Variants in LRRTM4 observed in about 807,000 individuals in gnomAD.
LRRTM4 encodes leucine rich repeat transmembrane neuronal 4.
Under a neutral mutation model 47.6 loss-of-function variants are expected in LRRTM4, and 25 were observed. The ratio of observed to expected loss-of-function variants is 0.53; its 90% confidence interval spans 0.38 to 0.73. The LOEUF (loss-of-function observed/expected upper bound fraction) is 0.73, where lower values mean the gene tolerates loss of function less well. Among genes scored for constraint, LRRTM4 ranks in the 30% least tolerant of loss-of-function variants. The probability of loss-of-function intolerance (pLI) is 0.00; values close to 1 mark genes in which losing one functional copy is unlikely to be tolerated. For missense variants in LRRTM4, 638 were observed against 713.4 expected, an observed-to-expected ratio of 0.89 and a Z score of 1.20; for synonymous variants, 311 against 269.5, an observed-to-expected ratio of 1.15 and a Z score of -1.51.
At chr2:77,469,299 C>A (rs762970369) in intron 3 of LRRTM4, among the ~76,000 whole-genome samples, 2 of 152,154 alleles carry the variant, frequency 1.3e-5, no homozygotes, top group Admixed American at 1.3e-4. Flanking sequence ...CACACAGAAG[C>A]GTCTTTATTT....
At chr2:77,330,540 G>A (rs564065015) in intron 3 of LRRTM4, among the ~76,000 whole-genome samples, 26 of 152,050 alleles carry the variant, frequency 1.7e-4, no homozygotes, top group East Asian at 7.7e-4. Flanking sequence ...CTATATTTAC[G>A]AAGAATTTTA....
intron 3 of LRRTM4, among the ~76,000 whole-genome samples, chr2:77,253,451 G>A (rs1451011438): frequency 6.6e-6 from 1 of 152,102 alleles, no homozygotes; most frequent in Non-Finnish European, 1.5e-5. Context: ...CTCTGTTGAA[G>A]CTGTTTCAGA....
At chr2:76,948,987 A>G (rs984506271) in intron 3 of LRRTM4, among the ~76,000 whole-genome samples, 1 of 151,898 alleles carries the variant, frequency 6.6e-6, no homozygotes, top group Non-Finnish European at 1.5e-5. Context: ...TACAAAAGCC[A>G]TATTTGTTTT....
intron 3 of LRRTM4, among the ~76,000 whole-genome samples, chr2:77,451,138 C>T (rs543574797): frequency 3.3e-5 from 5 of 152,052 alleles, no homozygotes; most frequent in Middle Eastern, 3.4e-3. Context: ...GAGTCTTATC[C>T]GAAGACTAGT....
intron 3 of LRRTM4, among the ~76,000 whole-genome samples, chr2:77,307,240 A>G (rs532550281): frequency 5.3e-5 from 8 of 152,040 alleles, no homozygotes; most frequent in African/African-American, 1.9e-4. Flanking sequence ...AAAATTTGAT[A>G]GAGTAAAATA....
intron 3 of LRRTM4, among the ~76,000 whole-genome samples, chr2:76,868,450 T>C (rs1672527298): frequency 6.6e-6 from 1 of 152,160 alleles, no homozygotes; most frequent in Non-Finnish European, 1.5e-5. Context: ...CACCTTTCAA[T>C]CAGAATGTTC....
At chr2:77,377,446 A>G (rs1365279166) in intron 3 of LRRTM4, among the ~76,000 whole-genome samples, 1 of 151,954 alleles carries the variant, frequency 6.6e-6, no homozygotes, top group Admixed American at 6.6e-5. Context: ...TACTTACACT[A>G]TTCTTGACAA....
intron 3 of LRRTM4, among the ~76,000 whole-genome samples, chr2:76,754,514 C>T (rs532297290): frequency 3.3e-5 from 5 of 152,274 alleles, no homozygotes; most frequent in African/African-American, 7.2e-5. Flanking sequence ...TCTCAGGGTC[C>T]TGTCAATCAA....
intron 3 of LRRTM4, among the ~76,000 whole-genome samples, chr2:76,981,659 G>T (rs984525370): frequency 1.3e-5 from 2 of 151,856 alleles, no homozygotes; most frequent in African/African-American, 4.8e-5. Context: ...TGCCTAGCTA[G>T]TTTCTAAATT....
At chr2:77,346,990 G>A (rs1034044475) in intron 3 of LRRTM4, among the ~76,000 whole-genome samples, 1 of 152,128 alleles carries the variant, frequency 6.6e-6, no homozygotes, top group African/African-American at 2.4e-5. Flanking sequence ...TCCCTGCCCT[G>A]GGACAGCATC....
chr2:77,067,343 A>G (rs1207195742), intron 3 of LRRTM4, among the ~76,000 whole-genome samples: 1 of 152,110 alleles, frequency 6.6e-6, no homozygotes, highest in Admixed American at 6.6e-5. Context: ...CTCACTGTGT[A>G]TTGCAAATTA....
At chr2:76,996,201 T>A (rs1043514877) in intron 3 of LRRTM4, among the ~76,000 whole-genome samples, 1 of 152,070 alleles carries the variant, frequency 6.6e-6, no homozygotes, top group East Asian at 1.9e-4. Flanking sequence ...AGAGGGGCCA[T>A]AGAACAGAGA....
chr2:77,244,864 C>A (rs544461889), intron 3 of LRRTM4, among the ~76,000 whole-genome samples: 26 of 152,210 alleles, frequency 1.7e-4, no homozygotes, highest in African/African-American at 6.3e-4. Context: ...GCCCAAAGTT[C>A]ATGAGAAAAC....
intron 3 of LRRTM4, among the ~76,000 whole-genome samples, chr2:77,474,374 T>A (rs2103999018): frequency 6.6e-6 from 1 of 152,180 alleles, no homozygotes; most frequent in South Asian, 2.1e-4. Flanking sequence ...CTTTGTTGAC[T>A]TAGACATTTA....
At chr2:77,183,941 G>T (rs745465727) in intron 3 of LRRTM4, among the ~76,000 whole-genome samples, 28 of 152,244 alleles carry the variant, frequency 1.8e-4, no homozygotes, top group Non-Finnish European at 2.4e-4. Context: ...GTGGGTTGGG[G>T]AGAGGGGGAA....
In LRRTM4 at chr2:77,363,549, G is replaced by T. The variant is rs373751332; in HGVS notation, c.1551+154769C>A. On this transcript the variant is annotated intron_variant, in intron 3 of 3. Transcript: ENST00000409884. The stretch of plus-strand genomic sequence containing the variant: ...ATGTCCTTTAAGGAATCAGGGCCAC[G>T]CATAATTGCATGTATTCTGTGTCCT... 2.6e-4 allele frequency among the ~76,000 whole-genome samples: 39 copies of T among 152,220 alleles called. No homozygotes were observed. In the South Asian group the frequency reaches 7.1e-3, roughly 28 times the overall value.
intron 3 of LRRTM4, among the ~76,000 whole-genome samples, chr2:77,210,297 T>A (rs1253402324): frequency 6.6e-6 from 1 of 152,136 alleles, no homozygotes; most frequent in Non-Finnish European, 1.5e-5. Context: ...TTCTAGAAAC[T>A]TACAGTTCTA....
intron 3 of LRRTM4, among the ~76,000 whole-genome samples, chr2:77,154,292 C>A (rs2103791872): frequency 6.6e-6 from 1 of 152,196 alleles, no homozygotes; most frequent in African/African-American, 2.4e-5. Flanking sequence ...CTTTCCCTGC[C>A]AAATTTCTGT....
rs544859559 is a variant in LRRTM4, at chr2:77,504,028, T to C, written c.1551+14290A>G. Reference sequence around the variant, plus strand: ...GGGGTAGAATCTTTTGTAAAGATTTTCTATGAAAGGGAAGTATAATACAGA... The same window carrying C: ...GGGGTAGAATCTTTTGTAAAGATTTCCTATGAAAGGGAAGTATAATACAGA... On this transcript the variant is annotated intron_variant, in intron 3 of 3. Coordinates refer to ENST00000409884, the MANE Select transcript of LRRTM4 (RefSeq NM_001134745.3). 3.3e-5 allele frequency among the ~76,000 whole-genome samples: 5 copies of C among 151,748 alleles called. No individual in the cohort carries two copies. In the South Asian group the frequency reaches 1.0e-3, roughly 31 times the overall value.
Sources: gnomAD v4.1 joint callset for allele counts (sites outside exome capture counted in the v4.1 genomes callset) on GRCh38, gnomAD v4.1.1 for gene constraint, MANE v1.5 for transcripts, NCBI Gene and HGNC (gene_info 2026-07-23, HGNC 2026-07-21) for gene names.